Variants in PRMT8 observed in about 807,000 individuals in gnomAD.
PRMT8 encodes the protein protein arginine methyltransferase 8, also known as protein arginine N-methyltransferase 8.
PRMT8 carries 7 observed loss-of-function variants against 47.1 expected under a neutral mutation model. That is an observed-to-expected ratio of 0.15 (90% CI 0.08 to 0.28). The LOEUF (loss-of-function observed/expected upper bound fraction) is 0.28, where lower values mean the gene tolerates loss of function less well. Ranked by LOEUF, PRMT8 falls within the 10% of genes least tolerant of loss-of-function variation. The pLI is 1.00. For missense variants in PRMT8, 237 were observed against 505.4 expected (o/e 0.47, Z 5.09); for synonymous variants, 188 against 186.5 (o/e 1.01, Z -0.07).
chr12:3,544,670 A>G (rs73043248), intron 2 of PRMT8, among the ~76,000 whole-genome samples: 9,585 of 152,242 alleles, frequency 0.063, 410 homozygotes, highest in Middle Eastern at 0.13. Flanking sequence ...TGTTCCCGTG[A>G]TGAGGCGGTT....
intron 1 of PRMT8, among the ~76,000 whole-genome samples, chr12:3,505,138 G>A (rs1471671583): frequency 6.7e-6 from 1 of 150,324 alleles, no homozygotes; most frequent in Non-Finnish European, 1.5e-5. Flanking sequence ...TACCTCAGAT[G>A]GAAATGCAGA....
At chr12:3,448,646 A>T (rs1250979625) in intron 1 of PRMT8, among the ~76,000 whole-genome samples, 1 of 152,172 alleles carries the variant, frequency 6.6e-6, no homozygotes, top group Admixed American at 6.5e-5. Flanking sequence ...AAGTCGCCTG[A>T]TATCCCCTGG....
At chr12:3,479,819 T>C (rs1167686926) in intron 1 of PRMT8, among the ~76,000 whole-genome samples, 1 of 151,462 alleles carries the variant, frequency 6.6e-6, no homozygotes, top group Non-Finnish European at 1.5e-5. Flanking sequence ...AGAGTTTTTA[T>C]TTGTTACATG....
chr12:3,512,889 A>G (rs1253725376), intron 1 of PRMT8, among the ~76,000 whole-genome samples: 1 of 152,214 alleles, frequency 6.6e-6, no homozygotes, highest in Non-Finnish European at 1.5e-5. Flanking sequence ...ACCACCAGGC[A>G]TCACCATTCT....
At chr12:3,386,117 T>C (rs1864135364) in intron 1 of PRMT8, among the ~76,000 whole-genome samples, 1 of 152,248 alleles carries the variant, frequency 6.6e-6, no homozygotes, top group African/African-American at 2.4e-5. Context: ...CAGAAAAATC[T>C]ATAGAAAAGA....
In PRMT8 at chr12:3,491,633, T is replaced by C. The variant is rs1291236593; in HGVS notation, c.8T>C (p.Met3Thr). Residue 3 changes from methionine to threonine, a missense_variant, in exon 1 of 10, where the codon ATG (methionine) becomes ACG (threonine). By Grantham distance (81) the Met-to-Thr change is moderately conservative. Transcript: ENST00000382622. MG[M>T]KHSSRCLLLR... The stretch of plus-strand genomic sequence containing the variant: ...AAACCCTTGCCGGCTCTTATGGGCA[T>C]GAAACACTCCTCCCGCTGCCTGCTC... 1.2e-6 allele frequency: 2 copies of C among 1,612,638 alleles called. No individual in the cohort carries two copies. The highest frequency in any genetic ancestry group is 2.7e-5 in the African/African-American group (2 of 74,828).
At chr12:3,444,049 T>G (rs770992874) in intron 1 of PRMT8, among the ~76,000 whole-genome samples, 1 of 152,262 alleles carries the variant, frequency 6.6e-6, no homozygotes, top group Non-Finnish European at 1.5e-5. Context: ...CATTATATTA[T>G]GTACAACACC....
chr12:3,464,561 ATT>A (rs1865072936), intron 1 of PRMT8, among the ~76,000 whole-genome samples: 1 of 152,082 alleles, frequency 6.6e-6, no homozygotes, highest in Admixed American at 6.5e-5. Flanking sequence ...TTCAATATTT[ATT>A]ACTTATCCTG....
intron 1 of PRMT8, among the ~76,000 whole-genome samples, chr12:3,397,830 T>A (rs11838068): frequency 6.6e-6 from 1 of 152,156 alleles, no homozygotes; most frequent in Middle Eastern, 3.2e-3. Context: ...CCTTGCAGTT[T>A]GATCTCAGAC....
At chr12:3,487,184 C>T (rs530798450), upstream of PRMT8, among the ~76,000 whole-genome samples, 6 of 152,280 alleles carry the variant, frequency 3.9e-5, no homozygotes, top group African/African-American at 1.2e-4. Flanking sequence ...TGGCCTGATT[C>T]TCGAGGAGTC....
intron 1 of PRMT8, among the ~76,000 whole-genome samples, chr12:3,434,333 G>A (rs1229341277): frequency 6.6e-6 from 1 of 152,176 alleles, no homozygotes; most frequent in Non-Finnish European, 1.5e-5. Flanking sequence ...GGAAAATGCA[G>A]ATTTTGTCAA....
chr12:3,444,136 T>C (rs2137075811), intron 1 of PRMT8, among the ~76,000 whole-genome samples: 1 of 152,338 alleles, frequency 6.6e-6, no homozygotes, highest in African/African-American at 2.4e-5. Flanking sequence ...TATCTCCTCT[T>C]AGCCCAGAAC....
chr12:3,554,584 T>C (rs1189751749), intron 4 of PRMT8, among the ~76,000 whole-genome samples: 1 of 152,030 alleles, frequency 6.6e-6, no homozygotes, highest in African/African-American at 2.4e-5. Context: ...CTGCAAAGGG[T>C]CAGCTCCAAA....
intron 1 of PRMT8, among the ~76,000 whole-genome samples, chr12:3,505,159 C>T (rs1168888301): frequency 1.3e-5 from 2 of 151,738 alleles, no homozygotes; most frequent in South Asian, 2.1e-4. Context: ...AATCACCCGT[C>T]TTCTGCGTTG....
intron 1 of PRMT8, among the ~76,000 whole-genome samples, chr12:3,515,713 G>C (rs560218921): frequency 6.6e-6 from 1 of 152,158 alleles, no homozygotes; most frequent in African/African-American, 2.4e-5. Flanking sequence ...GGGTATTTAC[G>C]GTCTCTGCAC....
intron 1 of PRMT8, among the ~76,000 whole-genome samples, chr12:3,397,056 A>G (rs1301776044): frequency 4.6e-5 from 7 of 151,604 alleles, no homozygotes; most frequent in Non-Finnish European, 8.8e-5. Context: ...CTTGGTTTTC[A>G]GCTCCATCAG....
At chr12:3,429,213 G>A (rs1487193208) in intron 1 of PRMT8, among the ~76,000 whole-genome samples, 2 of 152,162 alleles carry the variant, frequency 1.3e-5, no homozygotes, top group Admixed American at 1.3e-4. Context: ...GGGTGCCCTG[G>A]CTTACAGGTT....
intron 1 of PRMT8, among the ~76,000 whole-genome samples, chr12:3,478,828 CCATCATGTCCCAAGGTTGG>C (rs1865244157): frequency 6.6e-6 from 1 of 152,240 alleles, no homozygotes; most frequent in South Asian, 2.1e-4. Flanking sequence ...CCTGAGATCA[CCATCATGTCCCAAGGTTGG>C]CATCTACTTG....
At position 3,445,265 on chromosome 12, in the gene PRMT8, G is replaced by A. The variant is rs181717713; in HGVS notation, c.48+63823G>A. On this transcript the variant is annotated intron_variant, in intron 1 of 9. Coordinates refer to the PRMT8 transcript ENST00000452611. ...TCCTGGTGCCCAGGGAAAGGTGGCC[G>A]GGGAGGAGTGATCCAGGTAGCCTGC... 5.3e-5 allele frequency among the ~76,000 whole-genome samples: 8 copies of A among 152,318 alleles called. No individual in the cohort carries two copies. The East Asian group carries it at 9.7e-4, about 18-fold the overall frequency.
Sources: allele counts gnomAD v4.1 joint callset (sites outside exome capture counted in the v4.1 genomes callset), GRCh38; gene constraint gnomAD v4.1.1; transcripts MANE v1.5; gene names NCBI Gene and HGNC (gene_info 2026-07-23, HGNC 2026-07-21).